The following DLG2 variants were observed in gnomAD, a reference collection of about 807,000 sequenced individuals.
The protein encoded by DLG2 is discs large MAGUK scaffold protein 2.
DLG2 carries 45 observed loss-of-function variants against 132.5 expected under a neutral mutation model. That is an observed-to-expected ratio of 0.34 (90% CI 0.27 to 0.44). The LOEUF (loss-of-function observed/expected upper bound fraction) is 0.44, where lower values mean the gene tolerates loss of function less well. DLG2 is among the 20% of genes least tolerant of loss of function. DLG2 has a pLI of 1.00. For missense variants in DLG2, 1,045 were observed against 1,196.9 expected (o/e 0.87, Z 1.87); for synonymous variants, 424 against 419.6 (o/e 1.01, Z -0.13).
At chr11:84,530,676 G>C (rs554376155) in intron 7 of DLG2, among the ~76,000 whole-genome samples, 1 of 152,276 alleles carries the variant, frequency 6.6e-6, no homozygotes, top group South Asian at 2.1e-4. Flanking sequence ...AGTGCTGGTA[G>C]GAATACCATT....
At chr11:83,941,802 T>C (rs1244948323) in intron 14 of DLG2, among the ~76,000 whole-genome samples, 2 of 152,248 alleles carry the variant, frequency 1.3e-5, no homozygotes, top group Non-Finnish European at 2.9e-5. Flanking sequence ...CTCAAATCTA[T>C]ACATAAGCAT....
At chr11:84,996,781 T>G (rs1645331770) in intron 6 of DLG2, among the ~76,000 whole-genome samples, 1 of 152,192 alleles carries the variant, frequency 6.6e-6, no homozygotes, top group Admixed American at 6.6e-5. Flanking sequence ...CCTTTCAGGA[T>G]GAGCACATTT....
chr11:84,042,436 T>G (rs2096113946), intron 11 of DLG2, among the ~76,000 whole-genome samples: 1 of 151,870 alleles, frequency 6.6e-6, no homozygotes, highest in Non-Finnish European at 1.5e-5. Flanking sequence ...AAAAATCAGA[T>G]TTTCTTGCAT....
chr11:84,301,651 C>CAA (rs753899806), intron 7 of DLG2, among the ~76,000 whole-genome samples: 3,896 of 25,972 alleles, frequency 0.15, 457 homozygotes, highest in Non-Finnish European at 0.22. Flanking sequence ...AGGCGAGACT[C>CAA]AAAAAAAAAA....
Position 83,930,769 on chromosome 11 carries a change from C to A in DLG2, c.1341-286G>T, listed in dbSNP as rs2080034668. 2.0e-5 allele frequency among the ~76,000 whole-genome samples: 3 copies of A among 152,168 alleles called. 1 individual carries two copies. The South Asian group carries it at 6.2e-4, about 32-fold the overall frequency. On this transcript the variant is annotated intron_variant, in intron 14 of 27. Transcript: ENST00000376104. The stretch of plus-strand genomic sequence containing the variant: ...TAGAATAGCTGCTTATAAGGAAGCT[C>A]GTTTAGCCAGAATTCTTGAAATTTT...
At chr11:85,034,026 G>A (rs1174741771) in intron 6 of DLG2, among the ~76,000 whole-genome samples, 2 of 151,894 alleles carry the variant, frequency 1.3e-5, no homozygotes, top group African/African-American at 4.8e-5. Flanking sequence ...TCTTTCTCCA[G>A]GAAAATGCAA....
At chr11:84,070,677 G>A (rs1403392098) in intron 10 of DLG2, among the ~76,000 whole-genome samples, 2 of 152,194 alleles carry the variant, frequency 1.3e-5, no homozygotes, top group African/African-American at 2.4e-5. Flanking sequence ...GAACAACAAG[G>A]AGCATGGCAT....
At chr11:84,283,872 T>C (rs994459921) in intron 7 of DLG2, among the ~76,000 whole-genome samples, 20 of 152,118 alleles carry the variant, frequency 1.3e-4, no homozygotes, top group Non-Finnish European at 2.4e-4. Flanking sequence ...CAAAAATATA[T>C]GTTAGTATAT....
At chr11:83,661,880 A>C (rs777521962) in intron 18 of DLG2, among the ~76,000 whole-genome samples, 6 of 152,200 alleles carry the variant, frequency 3.9e-5, no homozygotes, top group Non-Finnish European at 7.3e-5. Context: ...AGAGCGAATG[A>C]ATCATTCATG....
chr11:84,877,607 G>A (rs1421917185), intron 6 of DLG2, among the ~76,000 whole-genome samples: 1 of 140,402 alleles, frequency 7.1e-6, no homozygotes, highest in Non-Finnish European at 1.5e-5. Flanking sequence ...CACATGAGAT[G>A]GGTCTCCTGA....
At position 83,456,125 on chromosome 11, in the gene DLG2, T is replaced by TATCA. The variant is rs1314916660; in HGVS notation, c.*3689_*3692dup. On this transcript the variant is annotated 3_prime_UTR_variant, in exon 28 of 28. Coordinates refer to ENST00000376104, the MANE Select transcript of DLG2 (RefSeq NM_001142699.3). ...CTTCAATGAGGAGGAAGAGGTTTGC[T>TATCA]ATCAGAATAATTGGGGCCAGAGTCT... 6.5e-6 allele frequency: 1 copy of TATCA among 152,710 alleles called. No individual in the cohort carries two copies. The highest frequency in any genetic ancestry group is 6.5e-5 in the Admixed American group (1 of 15,288). 9.5% of individuals were successfully genotyped at this position (152,710 alleles called of 1,614,324 possible). A position where few individuals can be genotyped will look rare whatever the true frequency, so the allele number is the denominator to read the frequency against.
chr11:85,515,684 T>C (rs911074550), intron 3 of DLG2, among the ~76,000 whole-genome samples: 7 of 152,018 alleles, frequency 4.6e-5, no homozygotes, highest in Admixed American at 2.0e-4. Context: ...AAGAACTGAC[T>C]AGAAGTGGCA....
intron 6 of DLG2, among the ~76,000 whole-genome samples, chr11:84,542,995 C>T (rs2099380919): frequency 6.6e-6 from 1 of 152,170 alleles, no homozygotes; most frequent in African/African-American, 2.4e-5. Context: ...CTATCTATGA[C>T]CTGTGTCTCA....
chr11:85,134,305 G>A (rs1399810077), intron 5 of DLG2, among the ~76,000 whole-genome samples: 8 of 149,116 alleles, frequency 5.4e-5, no homozygotes, highest in Admixed American at 2.0e-4. Context: ...CGAGGCGGGC[G>A]GATCACGAGG....
intron 7 of DLG2, among the ~76,000 whole-genome samples, chr11:84,276,124 C>T (rs2097781221): frequency 6.6e-6 from 1 of 152,164 alleles, no homozygotes; most frequent in Non-Finnish European, 1.5e-5. Flanking sequence ...TTGATGCTAA[C>T]CAATATTACC....
chr11:84,588,653 G>A (rs757001142), intron 6 of DLG2, among the ~76,000 whole-genome samples: 7 of 151,922 alleles, frequency 4.6e-5, no homozygotes, highest in Admixed American at 6.6e-5. Flanking sequence ...AGCATTCTAA[G>A]TCACAGGATA....
At chr11:84,758,970 T>C (rs903631005) in intron 6 of DLG2, among the ~76,000 whole-genome samples, 4 of 152,128 alleles carry the variant, frequency 2.6e-5, no homozygotes, top group African/African-American at 4.8e-5. Flanking sequence ...CTCCACCTCC[T>C]GGATTCAAGT....
Position 84,130,505 on chromosome 11 carries a change from T to TAC in DLG2, c.625-31460_625-31459dup, listed in dbSNP as rs1238340332. ...ACAAGTGGAAAAGTATATATATATA[T>TAC]ACACACACACACACACACATATATG... On this transcript the variant is annotated intron_variant, in intron 9 of 27. Coordinates refer to ENST00000376104, the MANE Select transcript of DLG2 (RefSeq NM_001142699.3). Among the ~76,000 whole-genome samples, 502 of 116,882 alleles carry TAC rather than the reference T, an allele frequency of 4.3e-3. 6 individuals are homozygous for TAC. The highest frequency in any genetic ancestry group is 0.037 in the Admixed American group (458 of 12,542). 76.7% of individuals were successfully genotyped at this position (116,882 alleles called of 152,430 possible).
intron 4 of DLG2, among the ~76,000 whole-genome samples, chr11:85,284,083 T>C (rs1475523151): frequency 6.6e-6 from 1 of 151,898 alleles, no homozygotes; most frequent in East Asian, 1.9e-4. Flanking sequence ...AGTGTAACAT[T>C]AAATGTAAAA....
Sources: gnomAD v4.1 joint callset for allele counts (sites outside exome capture counted in the v4.1 genomes callset) on GRCh38, gnomAD v4.1.1 for gene constraint, MANE v1.5 for transcripts, NCBI Gene and HGNC (gene_info 2026-07-23, HGNC 2026-07-21) for gene names.